SCARA5: variants seen among roughly 807,000 people sequenced by gnomAD.
SCARA5 encodes scavenger receptor class A, member 5 (putative).
Under a neutral mutation model 46.3 loss-of-function variants are expected in SCARA5, and 45 were observed. The ratio of observed to expected loss-of-function variants is 0.97; its 90% CI spans 0.76 to 1.24. SCARA5 has a LOEUF of 1.24. Ranked by LOEUF, SCARA5 falls within the 50% of genes most tolerant of loss-of-function variation. The pLI is 0.00. For synonymous variants in SCARA5, 333 were observed against 306.5 expected (o/e 1.09, Z -0.90); for missense variants, 680 against 689.0 (o/e 0.99, Z 0.15).
Position 27,990,216 on chromosome 8 carries a change from A to G in SCARA5, c.-16+2041T>C, listed in dbSNP as rs575042713. ...GGAGCCCAGGGGATCTGCTGGGGAG[A>G]GGGACTGGGGCCGAGCGGGGCCAGA... On this transcript the variant is annotated intron_variant, in intron 1 of 8. Coordinates refer to ENST00000354914, the MANE Select transcript of SCARA5 (RefSeq NM_173833.6). 3.3e-5 allele frequency among the ~76,000 whole-genome samples: 5 copies of G among 152,206 alleles called. No homozygotes were observed. The South Asian group carries it at 1.0e-3, about 32-fold the overall frequency.
chr8:27,955,832 C>A (rs145078558), intron 3 of SCARA5, among the ~76,000 whole-genome samples: 2,129 of 152,218 alleles, frequency 0.014, 57 homozygotes, highest in African/African-American at 0.048. Flanking sequence ...TATGTGTCGA[C>A]GACTGGAGGG....
chr8:27,921,705 C>G lies in SCARA5; in HGVS notation c.782G>C (p.Arg261Pro). ...CATGCCTACGTGCGCCAGGCGCAGG[C>G]GGCGCGTGTCCTCGCTGGCGTTGCT... ...LVSNASEDTR[R>P]LRLAHVGMEL... Residue 261 changes from arginine (R) to proline (P), a missense_variant, in exon 4 of 9, where the codon CGC becomes CCC. Physicochemically the swap from Arg to Pro is moderately radical, Grantham distance 103 (BLOSUM62 -2). Coordinates refer to ENST00000354914, the MANE Select transcript of SCARA5 (RefSeq NM_173833.6). 6.2e-7 allele frequency: 1 copy of G among 1,602,324 alleles called. No homozygotes were observed. Among genetic ancestry groups the G allele is most frequent in the Non-Finnish European group, 8.5e-7 (1 of 1,175,466 alleles).
intron 3 of SCARA5, among the ~76,000 whole-genome samples, chr8:27,951,356 G>A (rs1808123471): frequency 1.3e-5 from 2 of 152,194 alleles, no homozygotes; most frequent in South Asian, 2.1e-4. Context: ...ACTGATCGGC[G>A]CCAATGGAGC....
At chr8:27,949,673 C>T (rs1461534933) in intron 3 of SCARA5, among the ~76,000 whole-genome samples, 3 of 152,218 alleles carry the variant, frequency 2.0e-5, no homozygotes, top group Non-Finnish European at 4.4e-5. Context: ...TCCACCCCAA[C>T]CGCATCCCAT....
In SCARA5 at chr8:27,945,375, C is replaced by T. The variant is rs182763664; in HGVS notation, c.241+21039G>A. Among the ~76,000 whole-genome samples, 21 of 152,210 alleles carry T rather than the reference C, an allele frequency of 1.4e-4. No homozygotes were observed. In the East Asian group the frequency reaches 3.9e-3, roughly 28 times the overall value. ...CTTGCTTTAAAAACTGATGTCAAGC[C>T]GTGGCTTCCCCATTTGTGGGGCACT... is the stretch of plus-strand genomic sequence containing the variant. On this transcript the variant is annotated intron_variant, in intron 3 of 8. Coordinates refer to ENST00000354914, the MANE Select transcript of SCARA5 (RefSeq NM_173833.6).
intron 2 of SCARA5, among the ~76,000 whole-genome samples, chr8:27,974,851 A>G (rs1179425800): frequency 1.3e-5 from 2 of 151,770 alleles, no homozygotes; most frequent in Non-Finnish European, 2.9e-5. Context: ...GTCTCCCTGG[A>G]GCCTGGCAGG....
At chr8:27,982,734 G>T (rs1227489100) in intron 2 of SCARA5, among the ~76,000 whole-genome samples, 3 of 152,156 alleles carry the variant, frequency 2.0e-5, no homozygotes, top group African/African-American at 7.2e-5. Context: ...GTACCTGCGG[G>T]GCCTTGAAGG....
At chr8:27,915,080 G>C (rs1481554678) in intron 4 of SCARA5, among the ~76,000 whole-genome samples, 1 of 152,214 alleles carries the variant, frequency 6.6e-6, no homozygotes, top group Non-Finnish European at 1.5e-5. Context: ...CTAACCACAG[G>C]CCGGCTGACA....
chr8:27,977,440 G>A (rs911885594), intron 2 of SCARA5, among the ~76,000 whole-genome samples: 1 of 152,160 alleles, frequency 6.6e-6, no homozygotes, highest in African/African-American at 2.4e-5. Context: ...CAGCGGATCA[G>A]CCGTGAAACC....
intron 7 of SCARA5, chr8:27,904,557 G>A (rs117465056): frequency 1.2e-5 from 7 of 608,568 alleles, no homozygotes; most frequent in African/African-American, 5.5e-5. Flanking sequence ...GCACACAACC[G>A]CCAGGTTTAT....
intron 7 of SCARA5, among the ~76,000 whole-genome samples, chr8:27,901,370 C>G (rs190535989): frequency 6.6e-6 from 1 of 152,112 alleles, no homozygotes; most frequent in Non-Finnish European, 1.5e-5. Flanking sequence ...TCTTCCCGCA[C>G]GATGTTGGCT....
At chr8:27,929,668 C>T (rs372088380) in intron 3 of SCARA5, among the ~76,000 whole-genome samples, 2 of 152,174 alleles carry the variant, frequency 1.3e-5, no homozygotes, top group South Asian at 2.1e-4. Context: ...CTGTCCCTTA[C>T]CCTGTCCTCC....
At chr8:27,921,493 G>A in intron 4 of SCARA5, 78 bp downstream of exon 4, 2 of 1,284,996 alleles carry the variant, frequency 1.6e-6, no homozygotes, top group South Asian at 3.1e-5. Context: ...GTACTCCTGG[G>A]TCCTTGGGGA....
intron 3 of SCARA5, among the ~76,000 whole-genome samples, chr8:27,934,676 T>C (rs2129853459): frequency 6.6e-6 from 1 of 152,328 alleles, no homozygotes; most frequent in South Asian, 2.1e-4. Flanking sequence ...CCCCCAGAGC[T>C]CTTCCTTGCA....
chr8:27,942,010 G>C (rs1475200850), intron 3 of SCARA5, among the ~76,000 whole-genome samples: 1 of 151,656 alleles, frequency 6.6e-6, no homozygotes, highest in African/African-American at 2.4e-5. Flanking sequence ...TGTATTTTTA[G>C]AAGAGACAGG....
intron 3 of SCARA5, among the ~76,000 whole-genome samples, chr8:27,927,352 CTG>C (rs1807696440): frequency 6.6e-6 from 1 of 152,198 alleles, no homozygotes; most frequent in East Asian, 1.9e-4. Context: ...TCTTTTATTG[CTG>C]TTCATTGCAC....
At chr8:27,983,212 G>T (rs926825917) in intron 2 of SCARA5, among the ~76,000 whole-genome samples, 1 of 152,232 alleles carries the variant, frequency 6.6e-6, no homozygotes, top group African/African-American at 2.4e-5. Context: ...TGAGCTGTCT[G>T]TAACCTGGCA....
intron 3 of SCARA5, among the ~76,000 whole-genome samples, chr8:27,936,409 C>T (rs144030836): frequency 0.016 from 2,444 of 151,174 alleles, 29 homozygotes; most frequent in African/African-American, 0.025. Flanking sequence ...GTCAATATGG[C>T]GAAAACCCAT....
intron 2 of SCARA5, among the ~76,000 whole-genome samples, chr8:27,969,102 T>C (rs1808411068): frequency 6.6e-6 from 1 of 152,144 alleles, no homozygotes; most frequent in Non-Finnish European, 1.5e-5. Flanking sequence ...CCTTAGAGAA[T>C]GATTGCAAGG....
Sources: allele counts gnomAD v4.1 joint callset (sites outside exome capture counted in the v4.1 genomes callset), GRCh38; gene constraint gnomAD v4.1.1; transcripts MANE v1.5; gene names NCBI Gene and HGNC (gene_info 2026-07-23, HGNC 2026-07-21).